The following CIMAP3 variants were observed in gnomAD, a reference collection of about 807,000 sequenced individuals.
CIMAP3 encodes ciliary microtubule-associated protein 3.
At chr1:111,350,281 A>G in the CIMAP3 span, 1 of 1,371,466 alleles carries the variant, frequency 7.3e-7, no homozygotes. Context: ...TTTCATAGGT[A>G]TTAGGGACTC....
chr1:111,347,089 G>T, the CIMAP3 span: 1 of 1,534,784 alleles, frequency 6.5e-7, no homozygotes. Flanking sequence ...TCAGTTCCCC[G>T]GCTATTGAGG....
At chr1:111,326,283 T>A in the CIMAP3 span, among the ~76,000 whole-genome samples, 3 of 152,114 alleles carry the variant, frequency 2.0e-5, no homozygotes, top group Non-Finnish European at 4.4e-5. Context: ...CGTTAACCTA[T>A]CTCTCTTCAT....
chr1:111,334,046 G>A, the CIMAP3 span, among the ~76,000 whole-genome samples: 1 of 152,078 alleles, frequency 6.6e-6, no homozygotes, highest in South Asian at 2.1e-4. Context: ...ATATTTGTAG[G>A]TAATCACAGT....
the CIMAP3 span, chr1:111,348,304 C>A: frequency 5.3e-6 from 2 of 377,378 alleles, no homozygotes; most frequent in Admixed American, 4.2e-5. Flanking sequence ...TTTATTTCTA[C>A]AACCTATATA....
the CIMAP3 span, among the ~76,000 whole-genome samples, chr1:111,333,040 TCAGGCCCTGGATG>T: frequency 2.6e-5 from 4 of 152,332 alleles, no homozygotes; most frequent in East Asian, 7.7e-4. Context: ...GGGCTGTTTT[TCAGGCCCTGGATG>T]CAGGCCCATA....
the CIMAP3 span, among the ~76,000 whole-genome samples, chr1:111,332,310 TG>T: frequency 6.6e-6 from 1 of 152,242 alleles, no homozygotes; most frequent in Non-Finnish European, 1.5e-5. Context: ...CCCAGCTCTA[TG>T]ACTGCTTCAT....
At chr1:111,347,109 G>A in the CIMAP3 span, 5 of 1,502,836 alleles carry the variant, frequency 3.3e-6, no homozygotes. Context: ...GGATAGCCAA[G>A]TTTCCAAGTT....
the CIMAP3 span, among the ~76,000 whole-genome samples, chr1:111,330,359 T>G: frequency 6.8e-6 from 1 of 147,424 alleles, no homozygotes; most frequent in South Asian, 2.1e-4. Context: ...ATCACTACAC[T>G]TCTTTTCTGG....
chr1:111,338,931 T>C, the CIMAP3 span, among the ~76,000 whole-genome samples: 2 of 152,198 alleles, frequency 1.3e-5, no homozygotes, highest in Admixed American at 6.5e-5. Flanking sequence ...ATATCCTTGA[T>C]GAAATTTGAT....
the CIMAP3 span, among the ~76,000 whole-genome samples, chr1:111,342,029 C>T: frequency 1.1e-4 from 17 of 152,138 alleles, no homozygotes; most frequent in African/African-American, 4.1e-4. Context: ...TAACAGAAAA[C>T]TTTCCGAAAC....
chr1:111,344,092 T>C, the CIMAP3 span, among the ~76,000 whole-genome samples: 1 of 152,214 alleles, frequency 6.6e-6, no homozygotes, highest in African/African-American at 2.4e-5. Context: ...TCTTGTTTTA[T>C]ATCAAATGCC....
the CIMAP3 span, among the ~76,000 whole-genome samples, chr1:111,340,422 C>A: frequency 2.0e-5 from 3 of 151,982 alleles, no homozygotes; most frequent in Non-Finnish European, 4.4e-5. Flanking sequence ...AACAGGCAAC[C>A]CACAAAATTG....
At chr1:111,336,283 A>C in the CIMAP3 span, among the ~76,000 whole-genome samples, 4 of 152,226 alleles carry the variant, frequency 2.6e-5, no homozygotes, top group African/African-American at 9.7e-5. Flanking sequence ...AAACTCTAAA[A>C]AACGGAGCAC....
At chr1:111,325,646 G>T in the CIMAP3 span, among the ~76,000 whole-genome samples, 1 of 152,036 alleles carries the variant, frequency 6.6e-6, no homozygotes, top group Non-Finnish European at 1.5e-5. Context: ...TTGGTATAAT[G>T]CCCTAACTAT....
the CIMAP3 span, chr1:111,348,706 C>A: frequency 2.8e-6 from 4 of 1,454,420 alleles, no homozygotes; most frequent in East Asian, 2.4e-5. Flanking sequence ...AAAAGAAGTA[C>A]GTAATAAAAG....
the CIMAP3 span, among the ~76,000 whole-genome samples, chr1:111,331,435 G>A: frequency 6.6e-6 from 1 of 152,050 alleles, no homozygotes; most frequent in African/African-American, 2.4e-5. Context: ...CAAAGGACAT[G>A]TCTTTTAAGT....
the CIMAP3 span, chr1:111,325,007 T>C: frequency 1.8e-6 from 1 of 547,034 alleles, no homozygotes; most frequent in Non-Finnish European, 2.3e-6. Flanking sequence ...TCTCTGATTC[T>C]GGATGGAGGC....
At chr1:111,327,060 T>G in the CIMAP3 span, among the ~76,000 whole-genome samples, 4 of 152,298 alleles carry the variant, frequency 2.6e-5, no homozygotes, top group South Asian at 8.3e-4. Flanking sequence ...CTCTATTGAT[T>G]GCCTCATTTG....
the CIMAP3 span, among the ~76,000 whole-genome samples, chr1:111,327,561 T>A: frequency 6.6e-6 from 1 of 152,116 alleles, no homozygotes; most frequent in African/African-American, 2.4e-5. Context: ...TTCAGGGAAT[T>A]AATTTCTTCC....
Sources: allele counts gnomAD v4.1 joint callset (sites outside exome capture counted in the v4.1 genomes callset), GRCh38; gene constraint gnomAD v4.1.1; transcripts MANE v1.5; gene names NCBI Gene and HGNC (gene_info 2026-07-23, HGNC 2026-07-21).